The following KANSL1 variants were observed in gnomAD, a reference collection of about 807,000 sequenced individuals.
The protein encoded by KANSL1 is KAT8 regulatory NSL complex subunit 1.
Under a neutral mutation model 103.6 loss-of-function variants are expected in KANSL1, and 22 were observed. That is an observed-to-expected ratio of 0.21 (90% CI 0.15 to 0.30). The LOEUF is 0.30. Ranked by LOEUF, KANSL1 falls within the 10% of genes least tolerant of loss-of-function variation. The probability of loss-of-function intolerance (pLI) is 1.00; values close to 1 mark genes in which losing one functional copy is unlikely to be tolerated. For missense variants in KANSL1, 1,337 were observed against 1,399.8 expected, an observed-to-expected ratio of 0.96 and a Z score of 0.72; for synonymous variants, 600 against 527.6, an observed-to-expected ratio of 1.14 and a Z score of -1.88.
rs770930377 is a variant in KANSL1 at position 46,171,264 on chromosome 17, T to A, written c.880A>T (p.Ile294Phe). Residue 294 changes from isoleucine to phenylalanine, a missense_variant, in exon 2 of 15, where the codon ATT (isoleucine) becomes TTT (phenylalanine). Physicochemically the swap from Ile to Phe is conservative, Grantham distance 21. Coordinates refer to ENST00000432791, the MANE Select transcript of KANSL1 (RefSeq NM_015443.4). ...ITALLRRQAD[I>F]ESRARRLQKR... is the part of the protein sequence containing the mutation. ...TGTAATCTGCGGGCACGGCTCTCAA[T>A]GTCAGCCTGTCGCCGCAGTAAAGCT... is the stretch of plus-strand genomic sequence containing the variant. 1 of 1,614,172 alleles carries A rather than the reference T, an allele frequency of 6.2e-7. No homozygotes were observed. Among genetic ancestry groups the A allele is most frequent in the Non-Finnish European group, 8.5e-7 (1 of 1,180,046 alleles).
At chr17:46,085,301 C>G (rs2079124045) in intron 3 of KANSL1, among the ~76,000 whole-genome samples, 2 of 152,118 alleles carry the variant, frequency 1.3e-5, no homozygotes, top group Non-Finnish European at 2.9e-5. Flanking sequence ...TTCGTCCTTC[C>G]AAAGAGATTT....
intron 6 of KANSL1, among the ~76,000 whole-genome samples, chr17:46,057,203 C>A (rs1025274673): frequency 6.6e-6 from 1 of 152,138 alleles, no homozygotes; most frequent in East Asian, 1.9e-4. Flanking sequence ...GATCAGATAA[C>A]GTTAGCATCA....
In KANSL1 at chr17:46,146,213, C is replaced by T. The variant is rs1597794542; in HGVS notation, c.1289+24642G>A. Among the ~76,000 whole-genome samples the T allele has an allele frequency of 4.6e-5, 7 of 152,284 alleles. 1 individual carries two copies. Among genetic ancestry groups the T allele is most frequent in the South Asian group, 2.1e-4 (1 of 4,832 alleles). On this transcript the variant is annotated intron_variant, in intron 2 of 14. Coordinates refer to ENST00000432791, the MANE Select transcript of KANSL1 (RefSeq NM_015443.4). The stretch of plus-strand genomic sequence containing the variant: ...ATTCATCTATGACCTTCTGAGAATA[C>T]CACCACCTCATATTTGAATAGACGT...
At chr17:46,217,675 G>C (rs2048383983) in intron 1 of KANSL1, among the ~76,000 whole-genome samples, 1 of 152,118 alleles carries the variant, frequency 6.6e-6, no homozygotes, top group Non-Finnish European at 1.5e-5. Context: ...GATCACTTAA[G>C]GTCAGGAGTT....
intron 2 of KANSL1, among the ~76,000 whole-genome samples, chr17:46,099,546 A>G (rs192226768): frequency 6.6e-6 from 1 of 152,354 alleles, no homozygotes; most frequent in East Asian, 1.9e-4. Context: ...GCAGAATAAT[A>G]CTTTAAATAC....
chr17:46,155,370 C>G (rs1396928546), intron 2 of KANSL1, among the ~76,000 whole-genome samples: 1 of 152,136 alleles, frequency 6.6e-6, no homozygotes, highest in African/African-American at 2.4e-5. Flanking sequence ...GTTGGCCAGG[C>G]TGGTCTCGAA....
chr17:46,217,929 G>A (rs2048392849), intron 1 of KANSL1, among the ~76,000 whole-genome samples: 3 of 152,158 alleles, frequency 2.0e-5, no homozygotes, highest in African/African-American at 7.2e-5. Flanking sequence ...AGGAGGCTAA[G>A]GAAGGAGAAT....
At chr17:46,139,321 G>A (rs1597774982) in intron 2 of KANSL1, among the ~76,000 whole-genome samples, 1 of 148,674 alleles carries the variant, frequency 6.7e-6, no homozygotes, top group Non-Finnish European at 1.5e-5. Context: ...AGTATATAAT[G>A]ACTAACATGC....
In KANSL1 at chr17:46,039,019, G is replaced by A. The variant is rs775699047; in HGVS notation, c.2392+8C>T. 1.9e-6 allele frequency: 3 copies of A among 1,608,896 alleles called. No homozygotes were observed. Among genetic ancestry groups the A allele is most frequent in the East Asian group, 2.2e-5 (1 of 44,792 alleles). On this transcript the variant is annotated splice_region_variant and intron_variant, in intron 9 of 14. Coordinates refer to ENST00000432791, the MANE Select transcript of KANSL1 (RefSeq NM_015443.4). ...TTGCAGGTAGAGGTGCCATGGGCCTGGCCCTACCTTCACTTCTCTCAGATG... is the reference window on the plus strand; with the variant it reads ...TTGCAGGTAGAGGTGCCATGGGCCTAGCCCTACCTTCACTTCTCTCAGATG...
intron 2 of KANSL1, among the ~76,000 whole-genome samples, chr17:46,118,312 C>G (rs2043132791): frequency 6.6e-6 from 1 of 152,260 alleles, no homozygotes; most frequent in Non-Finnish European, 1.5e-5. Flanking sequence ...TCTGCCAGCA[C>G]TGGGTCTGCA....
In KANSL1 at chr17:46,029,975, A is replaced by G. The variant is rs1435817118; in HGVS notation, c.*1501T>C. On this transcript the variant is annotated 3_prime_UTR_variant, in exon 15 of 15. Coordinates refer to ENST00000432791, the MANE Select transcript of KANSL1 (RefSeq NM_015443.4). ...TCCTTCTTTTTTTTTTTTAAGCACT[A>G]GTCTGTGCTTTGCGAACAGAATCAA... is the stretch of plus-strand genomic sequence containing the variant. The G allele has an allele frequency of 6.6e-6, 1 of 150,392 alleles. No homozygotes were observed. Among genetic ancestry groups the G allele is most frequent in the East Asian group, 1.9e-4 (1 of 5,136 alleles). The allele number at this position is 150,392 out of a possible 1,614,324, so 9.3% of individuals were successfully genotyped here.
intron 2 of KANSL1, among the ~76,000 whole-genome samples, chr17:46,145,165 G>A (rs1286633712): frequency 2.0e-5 from 3 of 152,230 alleles, no homozygotes; most frequent in Non-Finnish European, 2.9e-5. Context: ...ACAATGAAAA[G>A]CCACGGAGAC....
chr17:46,032,317 C>T lies in KANSL1; in HGVS notation c.2838-18G>A. ...TGTAGGACCTGCACACCAAGGAATG[C>T]AAATCTGAGTGCCTGGGAAATGTTT... On this transcript the variant is annotated intron_variant, in intron 13 of 14. Coordinates refer to ENST00000432791, the MANE Select transcript of KANSL1 (RefSeq NM_015443.4). 2.0e-6 allele frequency: 3 copies of T among 1,492,096 alleles called. No homozygotes were observed. Among genetic ancestry groups the T allele is most frequent in the Non-Finnish European group, 2.7e-6 (3 of 1,123,904 alleles). The allele number at this position is 1,492,096 out of a possible 1,614,324, so 92.4% of individuals were successfully genotyped here.
chr17:46,038,789 G>C, intron 9 of KANSL1, 103 bp from the exon 10 acceptor site: 1 of 1,435,176 alleles, frequency 7.0e-7, no homozygotes, highest in Non-Finnish European at 9.6e-7. Flanking sequence ...AGGCAAAAAT[G>C]TTTTCTATGC....
chr17:46,158,836 C>T (rs981461358), intron 2 of KANSL1, among the ~76,000 whole-genome samples: 1 of 152,186 alleles, frequency 6.6e-6, no homozygotes, highest in Non-Finnish European at 1.5e-5. Flanking sequence ...CCACCACACC[C>T]GGCCAAGAGA....
intron 6 of KANSL1, among the ~76,000 whole-genome samples, chr17:46,062,946 A>T (rs1054819680): frequency 6.6e-6 from 1 of 152,162 alleles, no homozygotes; most frequent in Non-Finnish European, 1.5e-5. Flanking sequence ...GCTACTCGGG[A>T]GAATGAGGCA....
chr17:46,092,130 C>T (rs1312201197), intron 3 of KANSL1, among the ~76,000 whole-genome samples: 4 of 152,324 alleles, frequency 2.6e-5, no homozygotes, highest in South Asian at 4.1e-4. Flanking sequence ...CCACTGCGCA[C>T]GGCCCTCAGC....
chr17:46,157,087 T>C (rs941223592), intron 2 of KANSL1, among the ~76,000 whole-genome samples: 7 of 152,250 alleles, frequency 4.6e-5, no homozygotes, highest in African/African-American at 1.4e-4. Context: ...AATTAGAACC[T>C]TGAAAATGTT....
At chr17:46,197,142 A>G (rs62060956), upstream of KANSL1, among the ~76,000 whole-genome samples, 4 of 152,118 alleles carry the variant, frequency 2.6e-5, no homozygotes, top group Non-Finnish European at 5.9e-5. Context: ...GGAAGGGAGG[A>G]AGGAAAGAAA....
Sources: gnomAD v4.1 joint callset for allele counts (sites outside exome capture counted in the v4.1 genomes callset) on GRCh38, gnomAD v4.1.1 for gene constraint, MANE v1.5 for transcripts, NCBI Gene and HGNC (gene_info 2026-07-23, HGNC 2026-07-21) for gene names.